Variants in GPR137B observed in about 807,000 individuals in gnomAD.
The protein encoded by GPR137B is G protein-coupled receptor 137B.
A neutral mutation model predicts 42.5 loss-of-function variants in GPR137B; 42 were observed. That is an observed-to-expected ratio of 0.99 (90% CI 0.77 to 1.28). GPR137B has a LOEUF of 1.28. Among genes scored for constraint, GPR137B ranks in the 50% most tolerant of loss-of-function variants. GPR137B has a pLI of 0.00. For synonymous variants in GPR137B, 218 were observed against 209.7 expected, an observed-to-expected ratio of 1.04 and a Z score of -0.34; for missense variants, 487 against 493.9, an observed-to-expected ratio of 0.99 and a Z score of 0.13.
At chr1:236,170,515 G>A (rs902810074) in intron 2 of GPR137B, among the ~76,000 whole-genome samples, 2 of 151,996 alleles carry the variant, frequency 1.3e-5, no homozygotes, top group African/African-American at 4.8e-5. Context: ...TGCTTTGTAC[G>A]TGGCTCAGTT....
At chr1:236,162,648 C>T (rs1423108885) in intron 1 of GPR137B, among the ~76,000 whole-genome samples, 1 of 152,212 alleles carries the variant, frequency 6.6e-6, no homozygotes, top group Non-Finnish European at 1.5e-5. Flanking sequence ...TGAAAGGGGC[C>T]AACGTAGAGC....
Position 236,142,576 on chromosome 1 carries a change from G to A in GPR137B, c.-47G>A, listed in dbSNP as rs1317071330. On this transcript the variant is annotated 5_prime_UTR_variant, in exon 1 of 7. Coordinates refer to ENST00000366592, the MANE Select transcript of GPR137B (RefSeq NM_003272.4). Reference sequence around the variant, plus strand: ...CCAGTCTCGGGGCTGCAGGCTGAGCGCGATGCGCGGAGACCCCCGCGGGGG... The same window carrying A: ...CCAGTCTCGGGGCTGCAGGCTGAGCACGATGCGCGGAGACCCCCGCGGGGG... The A allele has an allele frequency of 3.5e-6, 4 of 1,132,158 alleles. No homozygotes were observed. The Admixed American group carries it at 1.3e-4, about 37-fold the overall frequency. The allele number at this position is 1,132,158 out of a possible 1,614,324, so 70.1% of individuals were successfully genotyped here.
At chr1:236,172,792 C>T (rs927938450) in intron 2 of GPR137B, among the ~76,000 whole-genome samples, 7 of 151,526 alleles carry the variant, frequency 4.6e-5, no homozygotes, top group Non-Finnish European at 7.4e-5. Context: ...TCAAGCGATC[C>T]TCCTGCCTCT....
chr1:236,178,785 G>GGTTTT lies in GPR137B; in HGVS notation c.687+149_687+150insGTTTT, dbSNP rs1662771288. On this transcript the variant is annotated intron_variant, in intron 3 of 6. Transcript: ENST00000366592. ...GTCTCCCACACAGGGGCTACTCGAG[G>GGTTTT]TTTTTTTTTTTTTTTTTTTTTTTTT... 24 of 49,530 alleles carry GGTTTT rather than the reference G, an allele frequency of 4.8e-4. 2 individuals are homozygous for GGTTTT. Among genetic ancestry groups the GGTTTT allele is most frequent in the African/African-American group, 1.6e-3 (24 of 15,366 alleles). The allele number at this position is 49,530 out of a possible 1,614,324, so 3.1% of individuals were successfully genotyped here.
chr1:236,168,519 T>A lies in GPR137B; in HGVS notation c.415-187T>A, dbSNP rs192206518. ...GTTTTCTTTTTTAACCATGTTCGAA[T>A]TCCTTTACTATTAAAACTGTATGTG... On this transcript the variant is annotated intron_variant, in intron 1 of 6. Coordinates refer to ENST00000366592, the MANE Select transcript of GPR137B (RefSeq NM_003272.4). Among the ~76,000 whole-genome samples, 163 of 152,088 alleles carry A rather than the reference T, an allele frequency of 1.1e-3. 2 individuals carry two copies. Among genetic ancestry groups the A allele is most frequent in the African/African-American group, 3.8e-3 (159 of 41,492 alleles).
chr1:236,178,010 G>C (rs764320009), intron 2 of GPR137B, among the ~76,000 whole-genome samples: 1 of 152,104 alleles, frequency 6.6e-6, no homozygotes, highest in Non-Finnish European at 1.5e-5. Context: ...TTATTTTCAA[G>C]TGATGGAACC....
At chr1:236,153,197 C>T (rs963301986) in intron 1 of GPR137B, among the ~76,000 whole-genome samples, 30 of 152,124 alleles carry the variant, frequency 2.0e-4, no homozygotes, top group African/African-American at 6.0e-4. Context: ...CACAGTATTG[C>T]GCAGCTGTCA....
At chr1:236,170,278 ATATTT>A (rs1252672795) in intron 2 of GPR137B, among the ~76,000 whole-genome samples, 1 of 152,216 alleles carries the variant, frequency 6.6e-6, no homozygotes, top group Non-Finnish European at 1.5e-5. Context: ...AATCGTATAC[ATATTT>A]TATTTAAATA....
At chr1:236,159,588 A>T (rs1342806458) in intron 1 of GPR137B, among the ~76,000 whole-genome samples, 2 of 151,812 alleles carry the variant, frequency 1.3e-5, no homozygotes, top group Non-Finnish European at 2.9e-5. Flanking sequence ...CAGGAGAATC[A>T]CTTGAACCTG....
intron 1 of GPR137B, among the ~76,000 whole-genome samples, chr1:236,159,432 G>A (rs1351765087): frequency 1.3e-5 from 2 of 152,122 alleles, no homozygotes; most frequent in Non-Finnish European, 2.9e-5. Flanking sequence ...TTGGGAGGCC[G>A]AGGCAGGCGG....
chr1:236,155,824 G>A lies in GPR137B; in HGVS notation c.414+12788G>A, dbSNP rs1662007119. ...AGTGGAGATGCCCTTTATCTATAAA[G>A]GTAAAGACTGTTATCCCATTATCAC... On this transcript the variant is annotated intron_variant, in intron 1 of 6. Coordinates refer to ENST00000366592, the MANE Select transcript of GPR137B (RefSeq NM_003272.4). This position sits in a 1 kb window ranked among gnomAD's most constrained non-coding sequence, Gnocchi z 4.6. Among the ~76,000 whole-genome samples the A allele has an allele frequency of 6.6e-6, 1 of 152,178 alleles. No individual in the cohort carries two copies. Among genetic ancestry groups the A allele is most frequent in the Non-Finnish European group, 1.5e-5 (1 of 68,030 alleles).
At chr1:236,202,810 C>CAA (rs1663531620) in intron 5 of GPR137B, among the ~76,000 whole-genome samples, 1 of 152,190 alleles carries the variant, frequency 6.6e-6, no homozygotes, top group Non-Finnish European at 1.5e-5. Flanking sequence ...CGATATTCCC[C>CAA]AATGTTTTCT....
chr1:236,147,862 A>G (rs1571956017), intron 1 of GPR137B, among the ~76,000 whole-genome samples: 1 of 152,144 alleles, frequency 6.6e-6, no homozygotes, highest in Admixed American at 6.5e-5. Context: ...TCCACCTTCC[A>G]GTTCAGCCTG....
In GPR137B at chr1:236,178,673, C is replaced by T. The variant is rs528926618; in HGVS notation, c.687+37C>T. 53 of 1,296,914 alleles carry T rather than the reference C, an allele frequency of 4.1e-5. 1 individual carries two copies. Among genetic ancestry groups the T allele is most frequent in the Admixed American group, 3.2e-4 (19 of 59,002 alleles). The allele number at this position is 1,296,914 out of a possible 1,614,324, so 80.3% of individuals were successfully genotyped here. ...TGTGGTCAAGATCCCTCCCATGAAA[C>T]GTGTTCTAAAAAGAGTTTCCTGGTT... On this transcript the variant is annotated intron_variant, in intron 3 of 6. Transcript: ENST00000366592.
At position 236,148,062 on chromosome 1, in the gene GPR137B, C is replaced by T. The variant is rs1013033346; in HGVS notation, c.414+5026C>T. Among the ~76,000 whole-genome samples, 3 of 152,200 alleles carry T rather than the reference C, an allele frequency of 2.0e-5. 1 individual carries two copies. The highest frequency in any genetic ancestry group is 6.5e-5 in the Admixed American group (1 of 15,276). On this transcript the variant is annotated intron_variant, in intron 1 of 6. Transcript: ENST00000366592. ...TGCTCCCGGCTGCATGAGGAAGTGG[C>T]GGGACCAAGGCTTTGCACCAAGGCC...
intron 1 of GPR137B, among the ~76,000 whole-genome samples, chr1:236,151,399 T>C (rs1024058635): frequency 6.6e-6 from 1 of 151,296 alleles, no homozygotes; most frequent in Non-Finnish European, 1.5e-5. Context: ...GAGCCACATA[T>C]GGTCTCTGTT....
chr1:236,165,596 T>C (rs980685843), intron 1 of GPR137B, among the ~76,000 whole-genome samples: 4 of 152,188 alleles, frequency 2.6e-5, no homozygotes, highest in African/African-American at 7.2e-5. Context: ...GTTACTCTTA[T>C]TAAGGCTGCA....
chr1:236,144,670 T>G (rs979677443), intron 1 of GPR137B, among the ~76,000 whole-genome samples: 1 of 152,246 alleles, frequency 6.6e-6, no homozygotes, highest in Admixed American at 6.5e-5. Context: ...GCAAACCAGT[T>G]CAGGCAGTCG....
intron 5 of GPR137B, among the ~76,000 whole-genome samples, chr1:236,198,815 G>A (rs542014146): frequency 2.6e-5 from 4 of 152,076 alleles, no homozygotes; most frequent in African/African-American, 9.6e-5. Context: ...AAGTCTTTAG[G>A]GTTTTCTAGG....
Sources: gnomAD v4.1 joint callset for allele counts (sites outside exome capture counted in the v4.1 genomes callset) on GRCh38, gnomAD v4.1.1 for gene constraint, Gnocchi (gnomAD v3.1) non-coding constraint, MANE v1.5 for transcripts, NCBI Gene and HGNC (gene_info 2026-07-23, HGNC 2026-07-21) for gene names.